NBEA: variants seen among roughly 807,000 people sequenced by gnomAD.
NBEA encodes lysosomal-trafficking regulator 2.
NBEA carries 44 observed loss-of-function variants against 343.4 expected under a neutral mutation model. The ratio of observed to expected loss-of-function variants is 0.13; its 90% CI spans 0.10 to 0.16. NBEA has a LOEUF of 0.16. Among genes scored for constraint, NBEA ranks in the 10% least tolerant of loss-of-function variants. The probability of loss-of-function intolerance (pLI) is 1.00; values close to 1 mark genes in which losing one functional copy is unlikely to be tolerated. For synonymous variants in NBEA, 1,175 were observed against 1,238.7 expected, an observed-to-expected ratio of 0.95 and a Z score of 1.08; for missense variants, 2,555 against 3,631.3, an observed-to-expected ratio of 0.70 and a Z score of 7.62.
At chr13:35,251,223 C>T (rs1216004709) in intron 34 of NBEA, 4 of 267,736 alleles carry the variant, frequency 1.5e-5, no homozygotes, top group Non-Finnish European at 2.1e-5. Context: ...GTACAGAAAC[C>T]AATGGCATTC....
chr13:35,417,154 T>A (rs996854165), intron 38 of NBEA, among the ~76,000 whole-genome samples: 1 of 152,166 alleles, frequency 6.6e-6, no homozygotes, highest in Admixed American at 6.5e-5. Context: ...TTGCTAGCAG[T>A]CTATCAATTT....
intron 31 of NBEA, among the ~76,000 whole-genome samples, chr13:35,208,293 T>G (rs570025340): frequency 2.6e-5 from 4 of 152,274 alleles, no homozygotes; most frequent in South Asian, 2.1e-4. Flanking sequence ...TTTTACATAT[T>G]TATGAATATT....
At chr13:35,008,026 C>T (rs1566155126) in intron 1 of NBEA, among the ~76,000 whole-genome samples, 2 of 152,030 alleles carry the variant, frequency 1.3e-5, no homozygotes, top group East Asian at 3.9e-4. Context: ...TGTTATCTTC[C>T]TTGAGAGAAG....
chr13:35,327,057 G>A (rs1159817039), intron 36 of NBEA, among the ~76,000 whole-genome samples: 1 of 151,892 alleles, frequency 6.6e-6, no homozygotes, highest in African/African-American at 2.4e-5. Flanking sequence ...TCAGAAAAAT[G>A]CAAATCAAAA....
At position 35,309,577 on chromosome 13, in the gene NBEA, T is replaced by C; in HGVS notation, c.5888T>C (p.Leu1963Pro). The C allele has an allele frequency of 6.3e-7, 1 of 1,586,334 alleles. No individual in the cohort carries two copies. Among genetic ancestry groups the C allele is most frequent in the Non-Finnish European group, 8.6e-7 (1 of 1,166,388 alleles). Residue 1963 changes from leucine to proline, a missense_variant, in exon 36 of 59, where the codon CTC (leucine) becomes CCC (proline). By Grantham distance (98) the Leu-to-Pro change is moderately conservative (BLOSUM62 -3). Transcript: ENST00000379939. Reference sequence around the variant, plus strand: ...AATGCAGGACTTGCATTTATTGAGCTCATCAATGAAGGAAGGTAATTAATT... The same window carrying C: ...AATGCAGGACTTGCATTTATTGAGCCCATCAATGAAGGAAGGTAATTAATT... ...QKNAGLAFIE[L>P]INEGRLLCHA...
At chr13:35,619,396 C>G (rs1566418228) in intron 48 of NBEA, among the ~76,000 whole-genome samples, 1 of 152,060 alleles carries the variant, frequency 6.6e-6, no homozygotes, top group Non-Finnish European at 1.5e-5. Flanking sequence ...TGGTAGCAGG[C>G]TGGACAGGAG....
chr13:34,947,787 C>T (rs1222007457), intron 1 of NBEA, among the ~76,000 whole-genome samples: 2 of 152,188 alleles, frequency 1.3e-5, no homozygotes, highest in Admixed American at 1.3e-4. Flanking sequence ...TTATGTTCAA[C>T]ATTACGGTCC....
intron 36 of NBEA, among the ~76,000 whole-genome samples, chr13:35,317,454 G>A (rs985152768): frequency 1.6e-4 from 25 of 151,836 alleles, no homozygotes; most frequent in African/African-American, 4.8e-4. Flanking sequence ...GTTCTATTCC[G>A]TTGGTCCATA....
At chr13:35,047,453 C>T (rs2062902257) in intron 4 of NBEA, among the ~76,000 whole-genome samples, 1 of 151,902 alleles carries the variant, frequency 6.6e-6, no homozygotes, top group Admixed American at 6.6e-5. Context: ...AAAGAGAAAC[C>T]ATGCTAGGTT....
At chr13:35,478,871 G>A (rs1445116121) in intron 41 of NBEA, among the ~76,000 whole-genome samples, 1 of 152,258 alleles carries the variant, frequency 6.6e-6, no homozygotes, top group Non-Finnish European at 1.5e-5. Flanking sequence ...AGGACGGGGA[G>A]GCCCCAGGGC....
At chr13:35,574,380 C>A (rs1365351071) in intron 45 of NBEA, among the ~76,000 whole-genome samples, 67 of 124,718 alleles carry the variant, frequency 5.4e-4, no homozygotes, top group African/African-American at 8.1e-4. Context: ...TATACACTAT[C>A]AAAAAAAAAG....
At chr13:35,401,791 A>C (rs1457821090) in intron 38 of NBEA, among the ~76,000 whole-genome samples, 1 of 152,014 alleles carries the variant, frequency 6.6e-6, no homozygotes, top group East Asian at 1.9e-4. Context: ...ATTAGAAAAA[A>C]ACTTCCATTA....
intron 11 of NBEA, among the ~76,000 whole-genome samples, chr13:35,103,718 C>A (rs2065770159): frequency 6.6e-6 from 1 of 151,708 alleles, no homozygotes; most frequent in African/African-American, 2.4e-5. Context: ...TATTTAGTGG[C>A]ATTACTATTC....
intron 34 of NBEA, among the ~76,000 whole-genome samples, chr13:35,286,411 C>G (rs960779682): frequency 6.6e-6 from 1 of 152,056 alleles, no homozygotes; most frequent in African/African-American, 2.4e-5. Context: ...TGGATCCTTA[C>G]TTAAAGAAAA....
At chr13:35,487,825 C>T (rs533001587) in intron 41 of NBEA, among the ~76,000 whole-genome samples, 2 of 151,990 alleles carry the variant, frequency 1.3e-5, no homozygotes, top group South Asian at 4.1e-4. Context: ...AGCTATTACA[C>T]CTTTGGCATC....
chr13:35,251,510 C>T lies in NBEA; in HGVS notation c.5776+18891C>T, dbSNP rs931641824. The T allele has an allele frequency of 4.5e-6, 5 of 1,104,504 alleles. No individual in the cohort carries two copies. The African/African-American group carries it at 6.7e-5, about 15-fold the overall frequency. 68.4% of individuals were successfully genotyped at this position (1,104,504 alleles called of 1,614,324 possible). On this transcript the variant is annotated intron_variant, in intron 34 of 58. Coordinates refer to ENST00000379939, the MANE Select transcript of NBEA (RefSeq NM_001385012.1). ...AGTGATGACCTTGTGGAGTGAGCAG[C>T]GGCCACCTCTGGGCTCATCCTGGAC...
chr13:35,629,754 G>C (rs963487342), intron 49 of NBEA, among the ~76,000 whole-genome samples: 8 of 152,146 alleles, frequency 5.3e-5, no homozygotes, highest in Admixed American at 1.3e-4. Context: ...ATAATTCTGA[G>C]CTTAATTAGT....
chr13:34,999,126 T>C (rs983882962), intron 1 of NBEA, among the ~76,000 whole-genome samples: 2 of 152,172 alleles, frequency 1.3e-5, no homozygotes, highest in African/African-American at 4.8e-5. Flanking sequence ...AGACATACTA[T>C]AAATATTTAT....
At chr13:35,476,318 C>A (rs1454389469) in intron 41 of NBEA, 2 of 1,100,190 alleles carry the variant, frequency 1.8e-6, no homozygotes, top group African/African-American at 3.8e-5. Context: ...GCTGCTGCTG[C>A]TGCTGCTGCT....
Sources: gnomAD v4.1 joint callset for allele counts (sites outside exome capture counted in the v4.1 genomes callset) on GRCh38, gnomAD v4.1.1 for gene constraint, MANE v1.5 for transcripts, NCBI Gene and HGNC (gene_info 2026-07-23, HGNC 2026-07-21) for gene names.